ATP6V1B2: variants seen among roughly 807,000 people sequenced by gnomAD.
ATP6V1B2 encodes ATPase H+ transporting V1 subunit B2, also known as V-type proton ATPase subunit B, brain isoform.
Under a neutral mutation model 66.7 loss-of-function variants are expected in ATP6V1B2, and 23 were observed. The ratio of observed to expected loss-of-function variants is 0.34; its 90% CI spans 0.25 to 0.49. The LOEUF (loss-of-function observed/expected upper bound fraction) is 0.49, where lower values mean the gene tolerates loss of function less well. ATP6V1B2 is among the 20% of genes least tolerant of loss of function. The pLI, the probability that ATP6V1B2 is intolerant of heterozygous loss-of-function variation, is 0.99. For synonymous variants in ATP6V1B2, 278 were observed against 236.7 expected (o/e 1.17, Z -1.60); for missense variants, 478 against 650.8 (o/e 0.73, Z 2.89).
Position 20,218,160 on chromosome 8 carries a change from G to T in ATP6V1B2, c.1274G>T (p.Cys425Phe), listed in dbSNP as rs767020613. The T allele has an allele frequency of 5.6e-6, 9 of 1,612,906 alleles. No individual in the cohort carries two copies. In the East Asian group the frequency reaches 2.0e-4, roughly 36 times the overall value. ...TGCCTTTCTTCTCTTTAGTATGCGT[G>T]CTATGCTATTGGAAAGGATGTGCAA... ...HADVSNQLYA[C>F]YAIGKDVQAM... The change falls in exon 13 of 14, where the codon TGC becomes TTC. Residue 425 changes from cysteine to phenylalanine, a missense_variant. This residue lies in a region of ATP6V1B2 where 326 missense variants were observed against 545.6 expected (regional missense o/e 0.60). Transcript: ENST00000276390.
In ATP6V1B2 at chr8:20,215,073, A is replaced by T. The variant is rs1192000209; in HGVS notation, c.1078+105A>T. 2.4e-6 allele frequency: 3 copies of T among 1,234,528 alleles called. No homozygotes were observed. In the East Asian group the frequency reaches 7.7e-5, roughly 32 times the overall value. 76.5% of individuals were successfully genotyped at this position (1,234,528 alleles called of 1,614,324 possible). Reference sequence around the variant, plus strand: ...TTATTTTGAGAACACATCCCCTAAGAGTTTATCTTGGTTATTTGCCTAAAT... The same window carrying T: ...TTATTTTGAGAACACATCCCCTAAGTGTTTATCTTGGTTATTTGCCTAAAT... On this transcript the variant is annotated intron_variant, in intron 10 of 13. Transcript: ENST00000276390.
At chr8:20,201,841 C>T (rs191756852) in intron 1 of ATP6V1B2, among the ~76,000 whole-genome samples, 175 of 152,182 alleles carry the variant, frequency 1.1e-3, no homozygotes, top group Non-Finnish European at 2.0e-3. Flanking sequence ...GTGGAGGGGC[C>T]GCATCTGGTG....
chr8:20,218,120 C>T, intron 12 of ATP6V1B2, 33 bp from the exon 13 acceptor site: 9 of 1,605,774 alleles, frequency 5.6e-6, no homozygotes, highest in Non-Finnish European at 7.7e-6. Context: ...TTGAGAGCTT[C>T]TCTCTGCTGA....
chr8:20,197,606 C>T (rs937253649), intron 1 of ATP6V1B2, 64 bp downstream of exon 1: 18 of 1,307,440 alleles, frequency 1.4e-5, no homozygotes, highest in Non-Finnish European at 1.8e-5. Context: ...TGCTCCCAGT[C>T]ACCTGCTTAG....
intron 1 of ATP6V1B2, among the ~76,000 whole-genome samples, chr8:20,200,532 T>C (rs1468625490): frequency 6.6e-6 from 1 of 152,246 alleles, no homozygotes; most frequent in Non-Finnish European, 1.5e-5. Flanking sequence ...TATAGGACTT[T>C]TAAAAGAAAT....
chr8:20,197,678 C>T (rs1291448821), intron 1 of ATP6V1B2, 136 bp downstream of exon 1: 2 of 1,147,276 alleles, frequency 1.7e-6, no homozygotes, highest in Non-Finnish European at 2.2e-6. Context: ...CCCTGACCCA[C>T]TTGTCTCTTT....
chr8:20,211,962 T>TCA, intron 7 of ATP6V1B2, 140 bp from the exon 8 acceptor site: 1 of 868,374 alleles, frequency 1.2e-6, no homozygotes, highest in Non-Finnish European at 1.7e-6. Flanking sequence ...GGCTCTTTGT[T>TCA]CTGTTGGTTT....
At chr8:20,216,287 A>G (rs2072853621) in intron 10 of ATP6V1B2, 126 bp from the exon 11 acceptor site, 3 of 704,216 alleles carry the variant, frequency 4.3e-6, no homozygotes, top group Non-Finnish European at 7.2e-6. Flanking sequence ...CTCTAAGAAC[A>G]CTCTTCTAAG....
rs79169475 is a variant in ATP6V1B2, at chr8:20,198,973, G to C, written c.136+1431G>C. On this transcript the variant is annotated intron_variant, in intron 1 of 13. Coordinates refer to ENST00000276390, the MANE Select transcript of ATP6V1B2 (RefSeq NM_001693.4). ...AAATTCTCTTTTATTAATTGCGTTT[G>C]TATGCATTGCCTTTCTTTGGGTAGA... Among the ~76,000 whole-genome samples, 1,161 of 152,270 alleles carry C rather than the reference G, an allele frequency of 7.6e-3. 11 individuals are homozygous for C. Among genetic ancestry groups the C allele is most frequent in the African/African-American group, 0.026 (1,088 of 41,552 alleles).
In ATP6V1B2 at chr8:20,214,908, C is replaced by T; in HGVS notation, c.1018C>T (p.Arg340Ter). Residue 340 changes from arginine to a stop codon, truncating the protein, a stop_gained, in exon 10 of 14, where the codon CGA becomes TGA. Transcript: ENST00000276390. LOFTEE classifies it high-confidence loss of function. ...DLATIYERAG[R>*]VEGRNGSITQ... ...AGCCACGATATATGAACGCGCTGGG[C>T]GAGTGGAAGGGAGAAACGGCTCGAT... The T allele has an allele frequency of 6.2e-7, 1 of 1,613,396 alleles. No homozygotes were observed. Among genetic ancestry groups the T allele is most frequent in the Non-Finnish European group, 8.5e-7 (1 of 1,179,644 alleles).
In ATP6V1B2 at chr8:20,211,748, A is replaced by G. The variant is rs1479699892; in HGVS notation, c.700A>G (p.Met234Val). The G allele has an allele frequency of 6.2e-7, 1 of 1,601,412 alleles. No homozygotes were observed. Among genetic ancestry groups the G allele is most frequent in the Non-Finnish European group, 8.5e-7 (1 of 1,176,240 alleles). The change falls in exon 7 of 14, where the codon ATG becomes GTG. Residue 234 changes from methionine to valine, a missense_variant. Transcript: ENST00000276390. ...AAATTTTGCAATTGTATTTGCTGCT[A>G]TGGGTGTAAGTAGAATTTTTGTTTT... ...EENFAIVFAAMGVNMETARFF... is the reference protein window; with the variant it reads ...EENFAIVFAAVGVNMETARFF...
chr8:20,215,409 G>T (rs1322367256), intron 10 of ATP6V1B2: 1 of 152,704 alleles, frequency 6.5e-6, no homozygotes, highest in Non-Finnish European at 1.5e-5. Flanking sequence ...TTAACCAAGG[G>T]CTGGTTAAAA....
rs190626222 is a variant in ATP6V1B2 at position 20,212,577 on chromosome 8, C to G, written c.804-205C>G. 1.7e-3 allele frequency among the ~76,000 whole-genome samples: 252 copies of G among 152,288 alleles called. 1 individual carries two copies. The highest frequency in any genetic ancestry group is 5.9e-3 in the African/African-American group (244 of 41,550). ...CCTGCCCCACCCCAGTGTTGAGAAACCATACAACTGAGAAATTTGGGACAT... is the reference window on the plus strand; with the variant it reads ...CCTGCCCCACCCCAGTGTTGAGAAAGCATACAACTGAGAAATTTGGGACAT... On this transcript the variant is annotated intron_variant, in intron 8 of 13. Transcript: ENST00000276390.
At chr8:20,211,782 A>T (rs1175654666) in intron 7 of ATP6V1B2, 29 bp downstream of exon 7, 1 of 1,549,442 alleles carries the variant, frequency 6.5e-7, no homozygotes, top group East Asian at 2.2e-5. Flanking sequence ...TTAGTATGAT[A>T]TGTAAAATTT....
chr8:20,218,859 A>G (rs1325090093), intron 13 of ATP6V1B2, among the ~76,000 whole-genome samples: 1 of 152,016 alleles, frequency 6.6e-6, no homozygotes, highest in Non-Finnish European at 1.5e-5. Context: ...TTATGCCACC[A>G]TCCCCTCAGG....
chr8:20,197,532 G>C lies in ATP6V1B2; in HGVS notation c.126G>C (p.Gln42His). The C allele has an allele frequency of 1.4e-6, 2 of 1,426,698 alleles. No homozygotes were observed. The highest frequency in any genetic ancestry group is 1.8e-6 in the Non-Finnish European group (2 of 1,082,554). The allele number at this position is 1,426,698 out of a possible 1,614,324, so 88.4% of individuals were successfully genotyped here. A position where few individuals can be genotyped will look rare whatever the true frequency, so the allele number is the denominator to read the frequency against. The change falls in exon 1 of 14, where the codon CAG becomes CAC. Residue 42 changes from glutamine (Q) to histidine (H), a missense_variant. Physicochemically the swap from Gln to His is conservative, Grantham distance 24. Around this residue, in one of 2 missense-constraint regions of ATP6V1B2, gnomAD observed 152 missense variants for 105.2 expected, o/e 1.44. Transcript: ENST00000276390. ...ALAVSRNYLS[Q>H]PRLTYKTVSG... is the part of the protein sequence containing the mutation. ...CAGTCAGTCGGAACTACCTCTCCCAGCCTCGCCTCAGTGAGTATCAGAGAG... is the reference window on the plus strand; with the variant it reads ...CAGTCAGTCGGAACTACCTCTCCCACCCTCGCCTCAGTGAGTATCAGAGAG...
intron 1 of ATP6V1B2, among the ~76,000 whole-genome samples, chr8:20,202,267 G>C (rs1563802423): frequency 6.6e-6 from 1 of 152,146 alleles, no homozygotes; most frequent in Admixed American, 6.5e-5. Flanking sequence ...AAGAATAAGT[G>C]GCTTTGGAGC....
At chr8:20,206,222 T>G (rs1252957665) in intron 2 of ATP6V1B2, among the ~76,000 whole-genome samples, 2 of 152,206 alleles carry the variant, frequency 1.3e-5, no homozygotes, top group Non-Finnish European at 2.9e-5. Context: ...TGTGTGTGTT[T>G]TTTCCTATAA....
intron 8 of ATP6V1B2, 131 bp downstream of exon 8, chr8:20,212,330 A>G (rs1168321924): frequency 7.3e-6 from 6 of 825,788 alleles, no homozygotes; most frequent in Non-Finnish European, 9.5e-6. Context: ...TTTAAAGTCC[A>G]GCCCTGCTTC....
Sources: gnomAD v4.1 joint callset for allele counts (sites outside exome capture counted in the v4.1 genomes callset) on GRCh38, gnomAD v4.1.1 for gene constraint, gnomAD v4.1.1 regional missense constraint, MANE v1.5 for transcripts, NCBI Gene and HGNC (gene_info 2026-07-23, HGNC 2026-07-21) for gene names.